The following ADCK1 variants were observed in gnomAD, a reference collection of about 807,000 sequenced individuals.
The protein encoded by ADCK1 is aarF domain containing kinase 1.
Under a neutral mutation model 52.3 loss-of-function variants are expected in ADCK1, and 41 were observed. That is an observed-to-expected ratio of 0.78 (90% CI 0.61 to 1.02). The LOEUF is 1.02. ADCK1 is among the 50% of genes least tolerant of loss of function. The pLI, the probability that ADCK1 is intolerant of heterozygous loss-of-function variation, is 0.00. For synonymous variants in ADCK1, 250 were observed against 274.6 expected, an observed-to-expected ratio of 0.91 and a Z score of 0.89; for missense variants, 658 against 679.5, an observed-to-expected ratio of 0.97 and a Z score of 0.35.
chr14:77,830,842 TG>T (rs1241238376), intron 3 of ADCK1, among the ~76,000 whole-genome samples: 24 of 152,200 alleles, frequency 1.6e-4, no homozygotes, highest in Non-Finnish European at 2.9e-4. Context: ...GGTAGGTCTC[TG>T]GGCTTCTGTG....
chr14:77,902,214 A>C (rs1224621763), intron 6 of ADCK1, among the ~76,000 whole-genome samples: 1 of 152,242 alleles, frequency 6.6e-6, no homozygotes, highest in African/African-American at 2.4e-5. Context: ...GAAGAACCGC[A>C]GCTGTGTTGA....
At chr14:77,835,670 C>T (rs1477305191) in intron 3 of ADCK1, among the ~76,000 whole-genome samples, 1 of 152,176 alleles carries the variant, frequency 6.6e-6, no homozygotes, top group African/African-American at 2.4e-5. Flanking sequence ...CTCTGGTGTC[C>T]AGGCTGGAGT....
At chr14:77,800,753 T>TAA (rs1418308167) in intron 1 of ADCK1, among the ~76,000 whole-genome samples, 1 of 152,256 alleles carries the variant, frequency 6.6e-6, no homozygotes. Context: ...AACCTTTAGA[T>TAA]AAGACACCTA....
chr14:77,926,031 C>T, intron 9 of ADCK1, 70 bp downstream of exon 9: 2 of 1,574,460 alleles, frequency 1.3e-6, no homozygotes, highest in Non-Finnish European at 1.7e-6. Context: ...CCTGTGGACC[C>T]CTTCCAAGTA....
At chr14:77,852,901 A>ATTTTTT (rs2082335930) in intron 3 of ADCK1, among the ~76,000 whole-genome samples, 1 of 32,154 alleles carries the variant, frequency 3.1e-5, no homozygotes, top group African/African-American at 1.7e-4. Context: ...ATATATATAT[A>ATTTTTT]TATATATTTT....
intron 4 of ADCK1, among the ~76,000 whole-genome samples, chr14:77,869,715 G>A (rs1417520418): frequency 6.6e-6 from 1 of 152,150 alleles, no homozygotes; most frequent in African/African-American, 2.4e-5. Context: ...GTTAGGGTTG[G>A]GCTAGAGTTG....
intron 5 of ADCK1, among the ~76,000 whole-genome samples, chr14:77,898,398 A>G (rs558944651): frequency 3.9e-5 from 6 of 152,236 alleles, no homozygotes; most frequent in Non-Finnish European, 5.9e-5. Context: ...CCAAATGCCC[A>G]TCAATGGGAG....
chr14:77,812,971 A>G (rs1408753410), intron 1 of ADCK1, among the ~76,000 whole-genome samples: 1 of 151,658 alleles, frequency 6.6e-6, no homozygotes, highest in Non-Finnish European at 1.5e-5. Context: ...GAGATTGAGC[A>G]TTTCTGTTTA....
At chr14:77,811,491 G>C (rs891842766) in intron 1 of ADCK1, among the ~76,000 whole-genome samples, 1 of 152,082 alleles carries the variant, frequency 6.6e-6, no homozygotes. Context: ...CATGATCTCC[G>C]TCAGTACACT....
chr14:77,834,835 A>C (rs1321944090), intron 3 of ADCK1, among the ~76,000 whole-genome samples: 2 of 152,114 alleles, frequency 1.3e-5, no homozygotes, highest in Non-Finnish European at 2.9e-5. Context: ...TCCACAGAGA[A>C]GGTCCTGCAT....
At chr14:77,852,877 ATG>A (rs1168050681) in intron 3 of ADCK1, among the ~76,000 whole-genome samples, 1,052 of 41,880 alleles carry the variant, frequency 0.025, 72 homozygotes, top group African/African-American at 0.042. Context: ...CTAATCTTTT[ATG>A]TGTGTATATA....
At chr14:77,804,945 G>A (rs1387673097) in intron 1 of ADCK1, among the ~76,000 whole-genome samples, 8 of 152,076 alleles carry the variant, frequency 5.3e-5, no homozygotes, top group South Asian at 2.1e-4. Context: ...GGTGGCTCAC[G>A]CTTGTCATCC....
intron 3 of ADCK1, among the ~76,000 whole-genome samples, chr14:77,854,494 G>A (rs1429375232): frequency 2.6e-5 from 4 of 151,726 alleles, no homozygotes; most frequent in Admixed American, 2.6e-4. Flanking sequence ...TGGCATTGGA[G>A]GGACCGCTCC....
chr14:77,922,127 A>G (rs138601148), intron 7 of ADCK1, among the ~76,000 whole-genome samples: 258 of 152,308 alleles, frequency 1.7e-3, no homozygotes, highest in African/African-American at 5.7e-3. Context: ...GCATGGCTCC[A>G]TGAAGCTCCA....
At chr14:77,801,073 G>A (rs1158208415) in intron 1 of ADCK1, among the ~76,000 whole-genome samples, 9 of 151,786 alleles carry the variant, frequency 5.9e-5, no homozygotes, top group Non-Finnish European at 1.3e-4. Context: ...TGTATTAAAA[G>A]AAAAAAAGGA....
At chr14:77,902,924 T>G (rs1485652066) in intron 6 of ADCK1, among the ~76,000 whole-genome samples, 1 of 152,210 alleles carries the variant, frequency 6.6e-6, no homozygotes, top group Non-Finnish European at 1.5e-5. Flanking sequence ...CATCCCAGAT[T>G]TTCTGACTTC....
At chr14:77,871,856 C>T (rs1408533082) in intron 4 of ADCK1, among the ~76,000 whole-genome samples, 2 of 152,172 alleles carry the variant, frequency 1.3e-5, no homozygotes, top group Non-Finnish European at 2.9e-5. Flanking sequence ...TCCTATTTCA[C>T]AGAGGTGCAA....
chr14:77,909,456 A>G (rs1432480153), intron 7 of ADCK1, among the ~76,000 whole-genome samples: 1 of 151,402 alleles, frequency 6.6e-6, no homozygotes, highest in African/African-American at 2.4e-5. Flanking sequence ...TTTCTATTCC[A>G]CTCCCCATGT....
chr14:77,809,962 C>G (rs140140071), intron 1 of ADCK1, among the ~76,000 whole-genome samples: 9,596 of 144,354 alleles, frequency 0.066, 373 homozygotes, highest in African/African-American at 0.098. Flanking sequence ...CACTTGAGCC[C>G]AGGAGGCGGA....
Sources: allele counts gnomAD v4.1 joint callset (sites outside exome capture counted in the v4.1 genomes callset), GRCh38; gene constraint gnomAD v4.1.1; transcripts MANE v1.5; gene names NCBI Gene and HGNC (gene_info 2026-07-23, HGNC 2026-07-21).